The following KIAA0586 variants were observed in gnomAD, a reference collection of about 807,000 sequenced individuals.
KIAA0586 encodes the protein KIAA0586, also known as protein TALPID3.
A neutral mutation model predicts 169.8 loss-of-function variants in KIAA0586; 144 were observed. That is an observed-to-expected ratio of 0.85 (90% CI 0.74 to 0.97). The LOEUF (loss-of-function observed/expected upper bound fraction) is 0.97, where lower values mean the gene tolerates loss of function less well. Among genes scored for constraint, KIAA0586 ranks in the 50% least tolerant of loss-of-function variants. KIAA0586 has a pLI of 0.00. For missense variants in KIAA0586, 1,854 were observed against 1,823.0 expected, an observed-to-expected ratio of 1.02 and a Z score of -0.31; for synonymous variants, 625 against 612.4, an observed-to-expected ratio of 1.02 and a Z score of -0.30.
At chr14:58,427,524 G>C (rs2036915707), upstream of KIAA0586, 1 of 1,473,378 alleles carries the variant, frequency 6.8e-7, no homozygotes, top group African/African-American at 1.4e-5. Context: ...GCGGCAATGT[G>C]CTACCTTAAA....
At chr14:58,491,835 T>C (rs971332788) in intron 25 of KIAA0586, among the ~76,000 whole-genome samples, 6 of 152,274 alleles carry the variant, frequency 3.9e-5, no homozygotes, top group Non-Finnish European at 7.3e-5. Context: ...AACAATGATA[T>C]CATATAAAAC....
the KIAA0586 span, among the ~76,000 whole-genome samples, chr14:58,561,808 CT>C: frequency 0.023 from 3,438 of 152,116 alleles, 139 homozygotes; most frequent in African/African-American, 0.078. Context: ...CTTCATTTCA[CT>C]TTTTTTTCTT....
At chr14:58,432,742 A>G (rs549727134) in intron 4 of KIAA0586, among the ~76,000 whole-genome samples, 94 of 152,232 alleles carry the variant, frequency 6.2e-4, no homozygotes, top group Admixed American at 1.8e-3. Flanking sequence ...TTATTTAGAG[A>G]TGGAGTCTCG....
rs375641584 is a variant in KIAA0586 at position 58,456,939 on chromosome 14, A to G, written c.1362+129A>G. The stretch of plus-strand genomic sequence containing the variant: ...GCACTGAAAAAGATATGTCAGCCAC[A>G]TCTGTTCCATTTATAAAGTATTTCC... On this transcript the variant is annotated intron_variant, in intron 10 of 30. Transcript: ENST00000652326. 1.5e-5 allele frequency: 9 copies of G among 615,826 alleles called. 1 individual carries two copies. The highest frequency in any genetic ancestry group is 2.8e-5 in the East Asian group (1 of 36,274). The allele number at this position is 615,826 out of a possible 1,614,324, so 38.1% of individuals were successfully genotyped here.
Position 58,547,121 on chromosome 14 carries a change from A to G in KIAA0586, c.4496-660A>G, listed in dbSNP as rs148303694. 7.5e-3 allele frequency among the ~76,000 whole-genome samples: 1,143 copies of G among 151,926 alleles called. 8 individuals are homozygous for G. The highest frequency in any genetic ancestry group is 0.01 in the Non-Finnish European group (701 of 67,968). ...AGTGCCTTGGCAACCTTTGACTTCA[A>G]ATGCCTTTTACATGGCTGATATCTT... On this transcript the variant is annotated intron_variant, in intron 30 of 30. Transcript: ENST00000652326.
chr14:58,531,144 C>T (rs1221965724), intron 29 of KIAA0586, among the ~76,000 whole-genome samples: 3 of 149,362 alleles, frequency 2.0e-5, no homozygotes, highest in East Asian at 3.9e-4. Context: ...AGTGAAACCC[C>T]GTCTCTACTA....
chr14:58,445,322 A>T (rs985837916), intron 6 of KIAA0586, among the ~76,000 whole-genome samples: 1 of 152,180 alleles, frequency 6.6e-6, no homozygotes, highest in Non-Finnish European at 1.5e-5. Context: ...AAAATAATGA[A>T]CATTTTTAAT....
chr14:58,472,316 T>C, intron 18 of KIAA0586, 37 bp downstream of exon 18: 1 of 1,230,546 alleles, frequency 8.1e-7, no homozygotes, highest in Admixed American at 2.7e-5. Flanking sequence ...ATTATTTTTC[T>C]ACCGGTATTT....
intron 11 of KIAA0586, 145 bp from the exon 12 acceptor site, chr14:58,458,328 C>T (rs979838265): frequency 5.3e-6 from 3 of 571,358 alleles, no homozygotes; most frequent in Non-Finnish European, 9.3e-6. Flanking sequence ...ATTAGGCCCC[C>T]ATTCTACTAT....
intron 16 of KIAA0586, 108 bp downstream of exon 16, chr14:58,468,030 A>C (rs1165057086): frequency 7.5e-6 from 5 of 662,466 alleles, no homozygotes; most frequent in Non-Finnish European, 1.2e-5. Flanking sequence ...GCTTTTGATC[A>C]TGACTCTTTT....
At chr14:58,527,766 A>C (rs1416258197) in intron 29 of KIAA0586, among the ~76,000 whole-genome samples, 1 of 152,236 alleles carries the variant, frequency 6.6e-6, no homozygotes, top group African/African-American at 2.4e-5. Flanking sequence ...CAAATTGTAA[A>C]GACCATTGAC....
chr14:58,536,211 G>A (rs1457844666), intron 29 of KIAA0586, among the ~76,000 whole-genome samples: 1 of 152,064 alleles, frequency 6.6e-6, no homozygotes, highest in African/African-American at 2.4e-5. Context: ...TTGGTATATT[G>A]CTTAATTGTG....
chr14:58,484,154 T>C (rs2042216077), intron 21 of KIAA0586, among the ~76,000 whole-genome samples: 1 of 152,190 alleles, frequency 6.6e-6, no homozygotes, highest in African/African-American at 2.4e-5. Flanking sequence ...CAAGCTCCAC[T>C]ACTTTAGTTT....
In KIAA0586 at chr14:58,430,813, A is replaced by G. The variant is rs189137527; in HGVS notation, c.340+96A>G. 38 of 662,644 alleles carry G rather than the reference A, an allele frequency of 5.7e-5. No homozygotes were observed. In the Admixed American group the frequency reaches 1.0e-3, roughly 18 times the overall value. The allele number at this position is 662,644 out of a possible 1,614,324, so 41.0% of individuals were successfully genotyped here. ...TGTACAGTTCTGTGACAGTAAGTAC[A>G]TTCACATTGTTGTACAATCATCATC... is the stretch of plus-strand genomic sequence containing the variant. On this transcript the variant is annotated intron_variant, in intron 3 of 30. Coordinates refer to ENST00000652326, the MANE Select transcript of KIAA0586 (RefSeq NM_001329943.3).
At chr14:58,460,895 A>G (rs982226815) in intron 13 of KIAA0586, 91 bp from the exon 14 acceptor site, 2 of 858,604 alleles carry the variant, frequency 2.3e-6, no homozygotes, top group East Asian at 6.0e-5. Context: ...TCTTGTTATA[A>G]TACTTAAGCT....
chr14:58,477,753 AT>A (rs372946139), intron 20 of KIAA0586, among the ~76,000 whole-genome samples: 1 of 146,522 alleles, frequency 6.8e-6, no homozygotes, highest in Non-Finnish European at 1.5e-5. Context: ...TCTCTTCTCC[AT>A]TTTTTTCTTT....
chr14:58,462,328 A>T (rs1185209960), intron 14 of KIAA0586, among the ~76,000 whole-genome samples: 1 of 146,036 alleles, frequency 6.8e-6, no homozygotes. Flanking sequence ...GCTCACTGCA[A>T]CCTCCACCTC....
intron 21 of KIAA0586, among the ~76,000 whole-genome samples, chr14:58,486,252 T>A (rs1268502953): frequency 6.6e-6 from 1 of 152,226 alleles, no homozygotes; most frequent in African/African-American, 2.4e-5. Flanking sequence ...GGCCTCCAGC[T>A]CCATCCATGT....
At chr14:58,537,880 C>T (rs2046402148) in intron 29 of KIAA0586, among the ~76,000 whole-genome samples, 1 of 152,188 alleles carries the variant, frequency 6.6e-6, no homozygotes, top group Non-Finnish European at 1.5e-5. Context: ...ATCTCCTGAC[C>T]TCCTGATCTT....
Sources: gnomAD v4.1 joint callset for allele counts (sites outside exome capture counted in the v4.1 genomes callset) on GRCh38, gnomAD v4.1.1 for gene constraint, MANE v1.5 for transcripts, NCBI Gene and HGNC (gene_info 2026-07-23, HGNC 2026-07-21) for gene names.